Variants in IGBP1 observed in about 807,000 individuals in gnomAD.
IGBP1 encodes immunoglobulin-binding protein 1.
IGBP1 carries 2 observed loss-of-function variants against 25.9 expected under a neutral mutation model. That is an observed-to-expected ratio of 0.08 (90% CI 0.03 to 0.24). IGBP1 has a LOEUF of 0.24. Ranked by LOEUF, IGBP1 falls within the 10% of genes least tolerant of loss-of-function variation. The pLI is 1.00. For missense variants in IGBP1, 187 were observed against 260.4 expected (o/e 0.72, Z 1.94); for synonymous variants, 96 against 93.4 (o/e 1.03, Z -0.16).
intron 3 of IGBP1, among the ~76,000 whole-genome samples, chrX:70,143,831 G>T (rs1290191714): frequency 8.9e-6 from 1 of 112,334 alleles, no homozygotes; most frequent in Non-Finnish European, 1.9e-5. Flanking sequence ...AGAAGAAAAG[G>T]TTCTTTTACT....
rs771657324 is a variant in IGBP1 at position 70,144,433 on chromosome X, A to T, written c.483-2200A>T. Among the ~76,000 whole-genome samples, 3 of 111,191 alleles carry T rather than the reference A, an allele frequency of 2.7e-5. No homozygotes were observed. In the East Asian group the frequency reaches 8.5e-4, roughly 31 times the overall value. ...ACATCCAGGAAAGAGGGTTGGGGAT[A>T]GGAGTGAGATTGGAGTTAAACATTC... On this transcript the variant is annotated intron_variant, in intron 3 of 6. Coordinates refer to ENST00000356413, the MANE Select transcript of IGBP1 (RefSeq NM_001551.3).
At chrX:70,155,752 CAGTA>C (rs888332004) in intron 6 of IGBP1, among the ~76,000 whole-genome samples, 1 of 111,384 alleles carries the variant, frequency 9.0e-6, no homozygotes, top group Non-Finnish European at 1.9e-5. Flanking sequence ...ACCATGCTAA[CAGTA>C]AGCATAAGAA....
At chrX:70,147,270 A>T (rs12353747) in intron 4 of IGBP1, among the ~76,000 whole-genome samples, 1 of 110,928 alleles carries the variant, frequency 9.0e-6, no homozygotes, top group Non-Finnish European at 1.9e-5. Context: ...CCCCTCTACT[A>T]AAAATAGCCG....
At chrX:70,158,026 A>G (rs963857547) in intron 6 of IGBP1, among the ~76,000 whole-genome samples, 3 of 112,588 alleles carry the variant, frequency 2.7e-5, no homozygotes, top group Non-Finnish European at 5.6e-5. Context: ...CATAGCCACA[A>G]GATCCAGCAG....
At chrX:70,137,751 C>CAAAA (rs752550128) in intron 3 of IGBP1, among the ~76,000 whole-genome samples, 1 of 21,728 alleles carries the variant, frequency 4.6e-5, no homozygotes, top group Non-Finnish European at 9.3e-5. Flanking sequence ...AATAATTATA[C>CAAAA]AAAAAAAAAA....
At chrX:70,163,362 AATTAT>A (rs1228518248) in intron 6 of IGBP1, among the ~76,000 whole-genome samples, 3 of 110,084 alleles carry the variant, frequency 2.7e-5, no homozygotes, top group African/African-American at 9.9e-5. Context: ...CCCAGCCCAT[AATTAT>A]ATTATAAAAC....
intron 3 of IGBP1, among the ~76,000 whole-genome samples, chrX:70,137,144 A>C (rs1048714669): frequency 8.9e-5 from 10 of 111,845 alleles, no homozygotes; most frequent in African/African-American, 3.2e-4. Flanking sequence ...GCAATGGTAG[A>C]GGGATGGGGG....
chrX:70,163,559 A>G (rs772894625), intron 6 of IGBP1, among the ~76,000 whole-genome samples: 37 of 112,036 alleles, frequency 3.3e-4, no homozygotes, highest in Non-Finnish European at 6.2e-4. Flanking sequence ...AATTAAGGGT[A>G]TCACCTTTTT....
rs763041049 is a variant in IGBP1, at chrX:70,134,637, T to C, written c.303T>C (p.His101=). 9.9e-6 allele frequency: 12 copies of C among 1,211,854 alleles called. No individual in the cohort carries two copies. Among genetic ancestry groups the C allele is most frequent in the Non-Finnish European group, 1.3e-5 (12 of 895,391 alleles). Residue 101 remains histidine (H), a synonymous_variant, in exon 3 of 7, where the codon CAT becomes CAC. Transcript: ENST00000356413. Reference sequence around the variant, plus strand: ...TCAACCCCAGCAAGCGTCTAGATCATTTGCAGCGGGCTCGAGAACACTTTA... The same window carrying C: ...TCAACCCCAGCAAGCGTCTAGATCACTTGCAGCGGGCTCGAGAACACTTTA... ...KQVNPSKRLD[H]LQRAREHFIN...
intron 3 of IGBP1, among the ~76,000 whole-genome samples, chrX:70,144,725 T>G: frequency 1.1e-5 from 1 of 93,179 alleles, no homozygotes; most frequent in Middle Eastern, 6.2e-3. Context: ...AGTGGCACGA[T>G]CTCGGCTCAC....
intron 3 of IGBP1, among the ~76,000 whole-genome samples, chrX:70,143,395 A>C (rs1295316884): frequency 2.7e-5 from 3 of 112,386 alleles, no homozygotes; most frequent in Non-Finnish European, 5.6e-5. Context: ...CCATCTGGTG[A>C]GTGTGATGGT....
intron 3 of IGBP1, among the ~76,000 whole-genome samples, chrX:70,138,154 T>C (rs1477601341): frequency 9.2e-6 from 1 of 108,450 alleles, no homozygotes; most frequent in Non-Finnish European, 1.9e-5. Context: ...AGAACATAAA[T>C]GGTATTTGAG....
At chrX:70,164,562 C>T in intron 6 of IGBP1, among the ~76,000 whole-genome samples, 1 of 112,028 alleles carries the variant, frequency 8.9e-6, no homozygotes, top group East Asian at 2.8e-4. Flanking sequence ...GTGGTATGCA[C>T]TTGGGTGATA....
intron 6 of IGBP1, among the ~76,000 whole-genome samples, chrX:70,156,287 TAA>T (rs202174045): frequency 6.2e-4 from 46 of 74,270 alleles, no homozygotes; most frequent in Middle Eastern, 7.1e-3. Flanking sequence ...TTCAATTTGT[TAA>T]AAAAAAAAAA....
At chrX:70,145,288 C>T (rs2085159237) in intron 3 of IGBP1, among the ~76,000 whole-genome samples, 1 of 111,088 alleles carries the variant, frequency 9.0e-6, no homozygotes, top group South Asian at 3.8e-4. Context: ...CCTTCAGGCT[C>T]TTACATCCAA....
At chrX:70,165,775 C>T (rs1444270331) in intron 6 of IGBP1, 58 bp from the exon 7 acceptor site, 23 of 1,066,392 alleles carry the variant, frequency 2.2e-5, no homozygotes, top group Non-Finnish European at 2.8e-5. Flanking sequence ...AGGCCCCTGA[C>T]GTTACTTATT....
chrX:70,154,704 C>A (rs773358997), intron 6 of IGBP1, among the ~76,000 whole-genome samples: 9 of 11,086 alleles, frequency 8.1e-4, no homozygotes, highest in Middle Eastern at 0.05. Context: ...CATGGTAAGA[C>A]CCCTCTCCAC....
chrX:70,146,729 T>C lies in IGBP1; in HGVS notation c.579T>C (p.Tyr193=), dbSNP rs2085169105. 8.3e-7 allele frequency: 1 copy of C among 1,204,711 alleles called. No individual in the cohort carries two copies. The highest frequency in any genetic ancestry group is 1.8e-5 in the South Asian group (1 of 56,756). Residue 193 remains tyrosine, a synonymous_variant, in exon 4 of 7, where the codon TAT becomes TAC. Coordinates refer to ENST00000356413, the MANE Select transcript of IGBP1 (RefSeq NM_001551.3). ...QADDERVREY[Y]LLHLQRWIDI... is the part of the protein sequence containing the mutation. ...ATGATGAGCGTGTTCGTGAATATTA[T>C]CTTCTTCACCTTCAGAGGTGGATTG...
chrX:70,157,121 G>C (rs1249813911), intron 6 of IGBP1, among the ~76,000 whole-genome samples: 2 of 111,684 alleles, frequency 1.8e-5, no homozygotes, highest in Non-Finnish European at 3.8e-5. Context: ...AGAATACTTT[G>C]AACAGAATTA....
Sources: gnomAD v4.1 joint callset for allele counts (sites outside exome capture counted in the v4.1 genomes callset) on GRCh38, gnomAD v4.1.1 for gene constraint, MANE v1.5 for transcripts, NCBI Gene and HGNC (gene_info 2026-07-23, HGNC 2026-07-21) for gene names.